Variants in PPP4R3B observed in about 807,000 individuals in gnomAD.
PPP4R3B encodes the protein protein phosphatase 4 regulatory subunit 3B, also known as serine/threonine-protein phosphatase 4 regulatory subunit 3B.
PPP4R3B carries 52 observed loss-of-function variants against 95.4 expected under a neutral mutation model. The ratio of observed to expected loss-of-function variants is 0.54; its 90% CI spans 0.44 to 0.69. PPP4R3B has a LOEUF of 0.69. Ranked by LOEUF, PPP4R3B falls within the 30% of genes least tolerant of loss-of-function variation. PPP4R3B has a pLI of 0.00. For synonymous variants in PPP4R3B, 407 were observed against 343.9 expected, an observed-to-expected ratio of 1.18 and a Z score of -2.03; for missense variants, 1,003 against 1,005.9, an observed-to-expected ratio of 1.00 and a Z score of 0.04.
intron 2 of PPP4R3B, 37 bp from the exon 3 acceptor site, chr2:55,604,113 GA>G: frequency 6.7e-7 from 1 of 1,489,906 alleles, no homozygotes; most frequent in South Asian, 1.3e-5. Context: ...CATCACACTA[GA>G]AAAGAGGTAT....
Position 55,617,252 on chromosome 2 carries a change from T to C in PPP4R3B, c.34A>G (p.Thr12Ala), listed in dbSNP as rs760547689. ...TCCCATTGCCGGTCTTCGTTCAGGG[T>C]ATAGACCTTCACTCGCCGCCGCGTA... ...SDTRRRVKVYTLNEDRQWDDR... is the reference protein window; with the variant it reads ...SDTRRRVKVYALNEDRQWDDR... The change falls in exon 1 of 17, where the codon ACC (threonine) becomes GCC (alanine). Residue 12 changes from threonine to alanine, a missense_variant. This residue lies in a region of PPP4R3B where 695 missense variants were observed against 686.2 expected (regional missense o/e 1.01). Coordinates refer to ENST00000616407, the MANE Select transcript of PPP4R3B (RefSeq NM_001122964.3). The C allele has an allele frequency of 8.7e-6, 14 of 1,609,124 alleles. No individual in the cohort carries two copies. Among genetic ancestry groups the C allele is most frequent in the Admixed American group, 6.7e-5 (4 of 59,278 alleles).
intron 8 of PPP4R3B, among the ~76,000 whole-genome samples, chr2:55,580,347 G>GTC (rs141320693): frequency 9.9e-5 from 15 of 151,868 alleles, no homozygotes; most frequent in Admixed American, 7.2e-4. Context: ...GATCCCATTT[G>GTC]TCTCTCTCTC....
At chr2:55,603,146 T>G (rs1379050400) in intron 3 of PPP4R3B, among the ~76,000 whole-genome samples, 1 of 152,096 alleles carries the variant, frequency 6.6e-6, no homozygotes, top group African/African-American at 2.4e-5. Context: ...AGAGATGAGG[T>G]TCCACCATGT....
chr2:55,562,892 C>T (rs1481115939), intron 15 of PPP4R3B, among the ~76,000 whole-genome samples: 1 of 152,208 alleles, frequency 6.6e-6, no homozygotes, highest in African/African-American at 2.4e-5. Flanking sequence ...AGTAATTTCT[C>T]TCACAAGTCA....
rs1689573281 is a variant in PPP4R3B, at chr2:55,582,463, A to G, written c.1234-765T>C. Among the ~76,000 whole-genome samples, 7 of 152,160 alleles carry G rather than the reference A, an allele frequency of 4.6e-5. No homozygotes were observed. In the South Asian group the frequency reaches 1.4e-3, roughly 32 times the overall value. On this transcript the variant is annotated intron_variant, in intron 7 of 16. Coordinates refer to ENST00000616407, the MANE Select transcript of PPP4R3B (RefSeq NM_001122964.3). ...GAGACTGTCCTGATTCTAAGCTGGC[A>G]TCTCTATTTTCTGATTGGGAAATAT...
chr2:55,589,808 T>G (rs1393031738), intron 4 of PPP4R3B, among the ~76,000 whole-genome samples: 1 of 148,962 alleles, frequency 6.7e-6, no homozygotes, highest in South Asian at 2.1e-4. Context: ...GGCAGCTACC[T>G]GGGAGGCTGA....
intron 13 of PPP4R3B, among the ~76,000 whole-genome samples, chr2:55,565,310 G>GTATATA (rs151277909): frequency 2.3e-4 from 34 of 145,102 alleles, no homozygotes; most frequent in East Asian, 1.4e-3. Context: ...TCTATTTTTT[G>GTATATA]TATATATATA....
intron 13 of PPP4R3B, 23 bp from the exon 14 acceptor site, chr2:55,565,064 T>A (rs1355110487): frequency 6.6e-7 from 1 of 1,522,600 alleles, no homozygotes; most frequent in South Asian, 1.2e-5. Flanking sequence ...AAAATTTACA[T>A]TTAAAATATA....
chr2:55,549,601 CT>C lies in PPP4R3B; in HGVS notation c.*309del. ...AGCAACCCTGCATTATTATATCAAC[CT>C]TTTCCCCTCCCCTAAACCGTCCCCA... is the stretch of plus-strand genomic sequence containing the variant. On this transcript the variant is annotated 3_prime_UTR_variant, in exon 17 of 17. Transcript: ENST00000616407. The C allele has an allele frequency of 3.5e-6, 1 of 281,704 alleles. No homozygotes were observed. The highest frequency in any genetic ancestry group is 6.6e-6 in the Non-Finnish European group (1 of 150,858). 17.5% of individuals were successfully genotyped at this position (281,704 alleles called of 1,614,324 possible). A position where few individuals can be genotyped will look rare whatever the true frequency, so the allele number is the denominator to read the frequency against.
intron 6 of PPP4R3B, among the ~76,000 whole-genome samples, chr2:55,585,447 C>A (rs1192977553): frequency 6.6e-6 from 1 of 152,050 alleles, no homozygotes; most frequent in Non-Finnish European, 1.5e-5. Flanking sequence ...TAAGGCAATA[C>A]CTTACAAATG....
intron 11 of PPP4R3B, among the ~76,000 whole-genome samples, chr2:55,575,842 A>G (rs1180899879): frequency 6.6e-6 from 1 of 152,252 alleles, no homozygotes; most frequent in African/African-American, 2.4e-5. Flanking sequence ...GAGATTATAT[A>G]CATAAATATT....
chr2:55,607,419 T>G (rs1044720621), intron 2 of PPP4R3B, among the ~76,000 whole-genome samples: 5 of 152,160 alleles, frequency 3.3e-5, no homozygotes, highest in African/African-American at 9.7e-5. Flanking sequence ...TTCCCATGAC[T>G]CCCTCCTTGG....
chr2:55,552,998 G>A (rs1685422154), intron 16 of PPP4R3B, among the ~76,000 whole-genome samples: 1 of 152,152 alleles, frequency 6.6e-6, no homozygotes, highest in Non-Finnish European at 1.5e-5. Context: ...TTTAATTATA[G>A]TAAAACAGAC....
At chr2:55,588,300 G>C (rs900253101) in intron 5 of PPP4R3B, among the ~76,000 whole-genome samples, 1 of 152,058 alleles carries the variant, frequency 6.6e-6, no homozygotes, top group East Asian at 1.9e-4. Flanking sequence ...GATCACCTCA[G>C]GTTGGGAGTT....
intron 14 of PPP4R3B, 39 bp downstream of exon 14, chr2:55,564,863 A>AC: frequency 6.3e-7 from 1 of 1,581,218 alleles, no homozygotes; most frequent in Admixed American, 2.0e-5. Context: ...TTTTGGACAC[A>AC]GTTTTGTAGG....
At chr2:55,559,372 A>C (rs549957382) in intron 15 of PPP4R3B, among the ~76,000 whole-genome samples, 1 of 152,252 alleles carries the variant, frequency 6.6e-6, no homozygotes, top group African/African-American at 2.4e-5. Flanking sequence ...AACAAAAAAA[A>C]ATAACACCAA....
intron 15 of PPP4R3B, among the ~76,000 whole-genome samples, 173 bp from the exon 16 acceptor site, chr2:55,559,141 G>A (rs1208688975): frequency 6.6e-6 from 1 of 152,058 alleles, no homozygotes; most frequent in Non-Finnish European, 1.5e-5. Context: ...CAAGGCCGGA[G>A]TTCAAGACCA....
intron 2 of PPP4R3B, among the ~76,000 whole-genome samples, chr2:55,608,990 T>A (rs1056808384): frequency 2.0e-5 from 3 of 151,960 alleles, no homozygotes; most frequent in African/African-American, 7.3e-5. Context: ...CCGCCCTGCC[T>A]CCAAAAAAAT....
At chr2:55,553,230 T>G (rs745652467) in intron 16 of PPP4R3B, among the ~76,000 whole-genome samples, 12 of 152,184 alleles carry the variant, frequency 7.9e-5, no homozygotes, top group Non-Finnish European at 5.9e-5. Flanking sequence ...AATTTAAATT[T>G]TGTATACTGA....
Sources: gnomAD v4.1 joint callset for allele counts (sites outside exome capture counted in the v4.1 genomes callset) on GRCh38, gnomAD v4.1.1 for gene constraint, gnomAD v4.1.1 regional missense constraint, MANE v1.5 for transcripts, NCBI Gene and HGNC (gene_info 2026-07-23, HGNC 2026-07-21) for gene names.